TBC1D4: variants seen among roughly 807,000 people sequenced by gnomAD.
The protein encoded by TBC1D4 is TBC1 domain family member 4.
TBC1D4 carries 121 observed loss-of-function variants against 142.5 expected under a neutral mutation model. That is an observed-to-expected ratio of 0.85 (90% CI 0.73 to 0.99). The LOEUF is 0.99. Ranked by LOEUF, TBC1D4 falls within the 50% of genes least tolerant of loss-of-function variation. The pLI is 0.00. For missense variants in TBC1D4, 1,475 were observed against 1,606.6 expected, an observed-to-expected ratio of 0.92 and a Z score of 1.40; for synonymous variants, 630 against 628.2, an observed-to-expected ratio of 1.00 and a Z score of -0.04.
intron 1 of TBC1D4, among the ~76,000 whole-genome samples, chr13:75,447,033 T>C (rs1224158223): frequency 6.6e-6 from 1 of 152,128 alleles, no homozygotes; most frequent in Non-Finnish European, 1.5e-5. Flanking sequence ...TTTTATATAT[T>C]AGGCAACAAA....
chr13:75,464,598 ACT>A (rs1213699461), intron 1 of TBC1D4, among the ~76,000 whole-genome samples: 28 of 151,830 alleles, frequency 1.8e-4, no homozygotes, highest in Admixed American at 1.8e-3. Flanking sequence ...CCCACTCCAC[ACT>A]CTGTATTTCT....
At chr13:75,443,912 C>T (rs1346321041) in intron 1 of TBC1D4, among the ~76,000 whole-genome samples, 1 of 151,186 alleles carries the variant, frequency 6.6e-6, no homozygotes, top group Non-Finnish European at 1.5e-5. Flanking sequence ...GACGTGACAA[C>T]AGGATAACTT....
chr13:75,359,696 G>T, intron 3 of TBC1D4, 73 bp downstream of exon 3: 1 of 1,207,958 alleles, frequency 8.3e-7, no homozygotes, highest in African/African-American at 1.5e-5. Context: ...AGGGGGTCAA[G>T]CCCACTTATT....
intron 1 of TBC1D4, among the ~76,000 whole-genome samples, chr13:75,468,611 A>G (rs1451842178): frequency 6.6e-6 from 1 of 152,244 alleles, no homozygotes; most frequent in Non-Finnish European, 1.5e-5. Context: ...CCTTTTTAAT[A>G]TTATAAGCAG....
intron 16 of TBC1D4, among the ~76,000 whole-genome samples, chr13:75,300,843 T>C (rs1186670213): frequency 6.6e-6 from 1 of 152,168 alleles, no homozygotes; most frequent in Non-Finnish European, 1.5e-5. Context: ...AACATAGGGA[T>C]TGCCTTGTTC....
At chr13:75,477,232 C>T (rs1322693502) in intron 1 of TBC1D4, among the ~76,000 whole-genome samples, 3 of 152,182 alleles carry the variant, frequency 2.0e-5, no homozygotes, top group Admixed American at 6.5e-5. Flanking sequence ...ATTCTCAAAG[C>T]TACTAACCAT....
At chr13:75,459,171 G>A (rs1887865386) in intron 1 of TBC1D4, among the ~76,000 whole-genome samples, 1 of 152,126 alleles carries the variant, frequency 6.6e-6, no homozygotes, top group Admixed American at 6.5e-5. Context: ...TTTTTTACCA[G>A]CCTAGGGCAA....
At position 75,380,974 on chromosome 13, in the gene TBC1D4, G is replaced by A. The variant is rs75412232; in HGVS notation, c.499-18367C>T. 3.4e-4 allele frequency among the ~76,000 whole-genome samples: 52 copies of A among 152,168 alleles called. 1 individual carries two copies. The highest frequency in any genetic ancestry group is 5.9e-4 in the Non-Finnish European group (40 of 68,020). On this transcript the variant is annotated intron_variant, in intron 1 of 20. Transcript: ENST00000377636. ...CAGATCTGGGTTCCATTCCCAGCTA[G>A]ATCACTTACTATGTGATTTTTGGCA...
chr13:75,453,922 G>A lies in TBC1D4; in HGVS notation c.498+27348C>T, dbSNP rs1418687801. On this transcript the variant is annotated intron_variant, in intron 1 of 20. Transcript: ENST00000377636. ...AAAAGAAAAATCATATGTGGATCCT[G>A]TTACCTGGCATTGCCAATAATAAAT... is the stretch of plus-strand genomic sequence containing the variant. Among the ~76,000 whole-genome samples, 3 of 151,782 alleles carry A rather than the reference G, an allele frequency of 2.0e-5. No homozygotes were observed. The East Asian group carries it at 5.8e-4, about 29-fold the overall frequency.
intron 1 of TBC1D4, among the ~76,000 whole-genome samples, chr13:75,388,213 T>G (rs945587173): frequency 6.6e-6 from 1 of 152,210 alleles, no homozygotes; most frequent in Non-Finnish European, 1.5e-5. Flanking sequence ...GGATAATCTC[T>G]GCATCTCGAG....
chr13:75,293,684 A>C (rs1465234169), intron 18 of TBC1D4, among the ~76,000 whole-genome samples: 1 of 152,138 alleles, frequency 6.6e-6, no homozygotes, highest in Admixed American at 6.6e-5. Flanking sequence ...TTTTCACTTT[A>C]CTCTTTTGCT....
Position 75,481,965 on chromosome 13 carries a change from C to A in TBC1D4, c.-198G>T. 1 of 740,568 alleles carries A rather than the reference C, an allele frequency of 1.4e-6. No homozygotes were observed. The highest frequency in any genetic ancestry group is 1.9e-6 in the Non-Finnish European group (1 of 537,884). 45.9% of individuals were successfully genotyped at this position (740,568 alleles called of 1,614,324 possible). On this transcript the variant is annotated 5_prime_UTR_variant, in exon 1 of 21. Coordinates refer to ENST00000377636, the MANE Select transcript of TBC1D4 (RefSeq NM_014832.5). ...TTCCACGGGCGCGGCTCGGAGGCTC[C>A]GGCGGCGGGCACCGAGGCAAGCGCC... is the stretch of plus-strand genomic sequence containing the variant.
intron 11 of TBC1D4, among the ~76,000 whole-genome samples, chr13:75,321,407 C>A (rs1878768509): frequency 6.6e-6 from 1 of 151,014 alleles, no homozygotes; most frequent in South Asian, 2.1e-4. Flanking sequence ...TCACAAATGG[C>A]TTAGAATGAG....
chr13:75,345,423 G>A (rs1162442313), intron 5 of TBC1D4, among the ~76,000 whole-genome samples: 1 of 152,094 alleles, frequency 6.6e-6, no homozygotes, highest in Non-Finnish European at 1.5e-5. Flanking sequence ...GTGTGATCCA[G>A]GGACTTAGGA....
intron 7 of TBC1D4, 124 bp downstream of exon 7, chr13:75,341,001 G>A (rs1403642098): frequency 2.5e-6 from 2 of 811,058 alleles, no homozygotes; most frequent in Non-Finnish European, 4.3e-6. Flanking sequence ...GCGGGGGAGT[G>A]AGGGGGTAGT....
intron 1 of TBC1D4, among the ~76,000 whole-genome samples, chr13:75,434,548 C>A (rs1316418377): frequency 6.6e-6 from 1 of 151,856 alleles, no homozygotes; most frequent in Non-Finnish European, 1.5e-5. Context: ...GTATTCTGGG[C>A]CTAATACCTG....
chr13:75,327,899 C>CAG, intron 8 of TBC1D4, 73 bp from the exon 9 acceptor site: 8 of 1,483,938 alleles, frequency 5.4e-6, no homozygotes, highest in Non-Finnish European at 7.5e-6. Flanking sequence ...AAGGTAGTTC[C>CAG]AGGTGGTCTC....
chr13:75,446,176 A>G (rs557686526), intron 1 of TBC1D4, among the ~76,000 whole-genome samples: 1 of 152,338 alleles, frequency 6.6e-6, no homozygotes, highest in South Asian at 2.1e-4. Context: ...GAAGAATGTA[A>G]TATGATTGTT....
At chr13:75,461,758 C>T (rs1186397502) in intron 1 of TBC1D4, among the ~76,000 whole-genome samples, 1 of 152,216 alleles carries the variant, frequency 6.6e-6, no homozygotes, top group Non-Finnish European at 1.5e-5. Context: ...CTGCAGAAGG[C>T]TTAAATGTTA....
Sources: allele counts gnomAD v4.1 joint callset (sites outside exome capture counted in the v4.1 genomes callset), GRCh38; gene constraint gnomAD v4.1.1; transcripts MANE v1.5; gene names NCBI Gene and HGNC (gene_info 2026-07-23, HGNC 2026-07-21).